DERL1: variants seen among roughly 807,000 people sequenced by gnomAD.
The protein encoded by DERL1 is derlin 1.
In DERL1, 24 loss-of-function variants were observed where a neutral mutation model predicts 41.6. The ratio of observed to expected loss-of-function variants is 0.58; its 90% CI spans 0.42 to 0.81. The LOEUF (loss-of-function observed/expected upper bound fraction) is 0.81, where lower values mean the gene tolerates loss of function less well. DERL1 is among the 30% of genes least tolerant of loss of function. DERL1 has a pLI of 0.00. For synonymous variants in DERL1, 124 were observed against 112.5 expected, an observed-to-expected ratio of 1.10 and a Z score of -0.65; for missense variants, 260 against 314.3, an observed-to-expected ratio of 0.83 and a Z score of 1.31.
chr8:123,023,965 TA>T (rs1049649944), intron 3 of DERL1, among the ~76,000 whole-genome samples: 89 of 152,344 alleles, frequency 5.8e-4, no homozygotes, highest in African/African-American at 2.0e-3. Context: ...TTTATATACA[TA>T]TTTTTTTAAT....
chr8:123,031,915 T>C (rs1331031472), intron 1 of DERL1, among the ~76,000 whole-genome samples: 1 of 152,212 alleles, frequency 6.6e-6, no homozygotes, highest in African/African-American at 2.4e-5. Flanking sequence ...CCATTTATTT[T>C]GGTAGATACT....
chr8:123,015,427 G>A lies in DERL1; in HGVS notation c.*20C>T, dbSNP rs771575465. 39 of 1,608,004 alleles carry A rather than the reference G, an allele frequency of 2.4e-5. No individual in the cohort carries two copies. Among genetic ancestry groups the A allele is most frequent in the Middle Eastern group, 1.6e-4 (1 of 6,064 alleles). On this transcript the variant is annotated 3_prime_UTR_variant, in exon 8 of 8. Transcript: ENST00000259512. Reference sequence around the variant, plus strand: ...GGAGGAAATGTGGCTTGAGAGGAGCGGCTGCCCGAGGCCGCCCCTTCACTG... The same window carrying A: ...GGAGGAAATGTGGCTTGAGAGGAGCAGCTGCCCGAGGCCGCCCCTTCACTG...
intron 7 of DERL1, chr8:123,018,964 G>C (rs1455635676): frequency 1.7e-5 from 9 of 520,392 alleles, no homozygotes; most frequent in Admixed American, 1.4e-4. Context: ...TGTAATGTTG[G>C]AATCTAGTTG....
At chr8:123,022,545 G>A in intron 5 of DERL1, 139 bp downstream of exon 5, 1 of 723,374 alleles carries the variant, frequency 1.4e-6, no homozygotes, top group East Asian at 2.5e-5. Context: ...CTGGGATTGA[G>A]GAGGGCAGAA....
intron 1 of DERL1, among the ~76,000 whole-genome samples, chr8:123,039,650 G>A (rs574683636): frequency 6.6e-6 from 1 of 152,258 alleles, no homozygotes; most frequent in African/African-American, 2.4e-5. Flanking sequence ...CTTTCTGGGT[G>A]GAACACCCTA....
At chr8:123,023,449 G>A (rs1037627762) in intron 4 of DERL1, among the ~76,000 whole-genome samples, 4 of 152,240 alleles carry the variant, frequency 2.6e-5, no homozygotes, top group African/African-American at 9.6e-5. Context: ...CAGCTACACG[G>A]GAAGCTGAGG....
At chr8:123,038,350 T>C (rs780408245) in intron 1 of DERL1, among the ~76,000 whole-genome samples, 11 of 152,156 alleles carry the variant, frequency 7.2e-5, no homozygotes, top group Non-Finnish European at 1.5e-4. Flanking sequence ...TGCAAATGAG[T>C]TCCTCCAGGT....
chr8:123,030,034 TG>T (rs1177990120), intron 2 of DERL1, among the ~76,000 whole-genome samples: 1 of 150,936 alleles, frequency 6.6e-6, no homozygotes, highest in Non-Finnish European at 1.5e-5. Flanking sequence ...CACTCCAGCC[TG>T]GGCAACGGAG....
intron 2 of DERL1, among the ~76,000 whole-genome samples, chr8:123,025,353 A>G (rs1812660120): frequency 6.6e-6 from 1 of 152,202 alleles, no homozygotes. Context: ...ACAGCTTCTG[A>G]GCCCTGTATC....
rs551744098 is a variant in DERL1, at chr8:123,028,119, T to C, written c.265+2486A>G. On this transcript the variant is annotated intron_variant, in intron 2 of 7. Transcript: ENST00000259512. ...AATTATTGCAATTTAGGTTTAATAA[T>C]AGCATTAGAATTATGTTTTAAGTCC... Among the ~76,000 whole-genome samples the C allele has an allele frequency of 2.7e-5, 4 of 150,352 alleles. No homozygotes were observed. In the East Asian group the frequency reaches 5.8e-4, roughly 22 times the overall value.
chr8:123,021,442 C>T lies in DERL1; in HGVS notation c.506+5G>A. 2 of 1,612,452 alleles carry T rather than the reference C, an allele frequency of 1.2e-6. No homozygotes were observed. Among genetic ancestry groups the T allele is most frequent in the Non-Finnish European group, 1.7e-6 (2 of 1,178,528 alleles). Reference sequence around the variant, plus strand: ...TTCCAATTAAATAAATCTAATATCACTTACGAGCCTCCGATGATATAGTTG... The same window carrying T: ...TTCCAATTAAATAAATCTAATATCATTTACGAGCCTCCGATGATATAGTTG... On this transcript the variant is annotated splice_donor_5th_base_variant and intron_variant, in intron 6 of 7. Transcript: ENST00000259512.
rs1812804658 is a variant in DERL1 at position 123,030,812 on chromosome 8, A to G, written c.154-96T>C. On this transcript the variant is annotated intron_variant, in intron 1 of 7. Coordinates refer to ENST00000259512, the MANE Select transcript of DERL1 (RefSeq NM_024295.6). The stretch of plus-strand genomic sequence containing the variant: ...CAAAATTAACAAAGCATCCTCCTCA[A>G]TGAGAGGTGTGAAAGTGATCCTACC... The G allele has an allele frequency of 7.3e-6, 6 of 823,950 alleles. No individual in the cohort carries two copies. In the South Asian group the frequency reaches 8.2e-5, roughly 11 times the overall value. 51.0% of individuals were successfully genotyped at this position (823,950 alleles called of 1,614,324 possible).
intron 7 of DERL1, chr8:123,017,782 C>A (rs1423358897): frequency 6.6e-6 from 1 of 152,178 alleles, no homozygotes; most frequent in Non-Finnish European, 1.5e-5. Flanking sequence ...GGCTGCCCCC[C>A]AAAAGCACCA....
chr8:123,034,524 G>A (rs558160095), intron 1 of DERL1, among the ~76,000 whole-genome samples: 2 of 152,108 alleles, frequency 1.3e-5, no homozygotes, highest in Admixed American at 1.3e-4. Flanking sequence ...TTCAGGAGAC[G>A]GATTTCATAG....
chr8:123,038,895 C>T (rs1416723491), intron 1 of DERL1, among the ~76,000 whole-genome samples: 3 of 152,178 alleles, frequency 2.0e-5, no homozygotes, highest in Non-Finnish European at 4.4e-5. Flanking sequence ...CTTGGCCTCG[C>T]CACATGGATG....
At chr8:123,033,153 G>A (rs1472889675) in intron 1 of DERL1, among the ~76,000 whole-genome samples, 1 of 152,080 alleles carries the variant, frequency 6.6e-6, no homozygotes, top group Non-Finnish European at 1.5e-5. Context: ...ATGAGCCACT[G>A]GGCCTAGCCT....
intron 5 of DERL1, 30 bp downstream of exon 5, chr8:123,022,654 A>ATC: frequency 1.9e-6 from 3 of 1,599,556 alleles, no homozygotes; most frequent in Non-Finnish European, 2.6e-6. Flanking sequence ...GACAAATGAA[A>ATC]AGGACACTTT....
rs148472975 is a variant in DERL1 at position 123,021,527 on chromosome 8, T to A, written c.454-28A>T. The A allele has an allele frequency of 9.3e-4, 1,485 of 1,604,298 alleles. 11 individuals carry two copies. The African/African-American group carries it at 0.017, about 18-fold the overall frequency. On this transcript the variant is annotated intron_variant, in intron 5 of 7. Coordinates refer to ENST00000259512, the MANE Select transcript of DERL1 (RefSeq NM_024295.6). ...AGGATGGAATGAATATATGCAAATG[T>A]GAGTAGCCACACCTGACGAGGACAC...
rs574288111 is a variant in DERL1 at position 123,035,673 on chromosome 8, G to A, written c.154-4957C>T. Among the ~76,000 whole-genome samples, 37 of 152,162 alleles carry A rather than the reference G, an allele frequency of 2.4e-4. 1 individual carries two copies. The highest frequency in any genetic ancestry group is 4.7e-4 in the Non-Finnish European group (32 of 68,028). ...GGAGGAAAGCTGGGCCCTAATTAGA[G>A]TTCCTCACTTAACAAGGACATGTAG... On this transcript the variant is annotated intron_variant, in intron 1 of 7. Coordinates refer to ENST00000259512, the MANE Select transcript of DERL1 (RefSeq NM_024295.6).
Sources: gnomAD v4.1 joint callset for allele counts (sites outside exome capture counted in the v4.1 genomes callset) on GRCh38, gnomAD v4.1.1 for gene constraint, MANE v1.5 for transcripts, NCBI Gene and HGNC (gene_info 2026-07-23, HGNC 2026-07-21) for gene names.